Variants in SLC35D4 observed in about 807,000 individuals in gnomAD.
SLC35D4 encodes the protein UDP-N-acetylglucosamine transporter SLC35D4.
chr18:23,418,561 G>T, the SLC35D4 span, among the ~76,000 whole-genome samples: 6 of 151,596 alleles, frequency 4.0e-5, no homozygotes, highest in African/African-American at 1.4e-4. Context: ...TGTTGGCCAG[G>T]CTGGTCACCT....
At chr18:23,430,831 G>A in the SLC35D4 span, among the ~76,000 whole-genome samples, 1 of 151,970 alleles carries the variant, frequency 6.6e-6, no homozygotes, top group Non-Finnish European at 1.5e-5. Context: ...TCACAAACTG[G>A]GCAAACAAAT....
the SLC35D4 span, among the ~76,000 whole-genome samples, chr18:23,251,842 T>A: frequency 1.3e-5 from 2 of 151,972 alleles, no homozygotes; most frequent in African/African-American, 4.8e-5. Flanking sequence ...TCCCAGAACT[T>A]TGGGAGGCCG....
chr18:23,378,507 A>T, the SLC35D4 span, among the ~76,000 whole-genome samples: 3 of 152,238 alleles, frequency 2.0e-5, no homozygotes, highest in Non-Finnish European at 4.4e-5. Flanking sequence ...AGACTGGAGG[A>T]ATATAAACTT....
At chr18:23,342,049 C>T in the SLC35D4 span, among the ~76,000 whole-genome samples, 1 of 152,010 alleles carries the variant, frequency 6.6e-6, no homozygotes, top group Non-Finnish European at 1.5e-5. Flanking sequence ...ATGCTTTGAG[C>T]ACTATTACTT....
the SLC35D4 span, among the ~76,000 whole-genome samples, chr18:23,333,339 G>A: frequency 6.6e-6 from 1 of 152,156 alleles, no homozygotes; most frequent in South Asian, 2.1e-4. Flanking sequence ...CTGGTTAACT[G>A]TTGGGGATAA....
the SLC35D4 span, among the ~76,000 whole-genome samples, chr18:23,384,643 C>T: frequency 2.0e-5 from 3 of 152,226 alleles, no homozygotes; most frequent in Admixed American, 2.0e-4. Flanking sequence ...AGTGCCGCGG[C>T]ACCCTGTGTA....
the SLC35D4 span, among the ~76,000 whole-genome samples, chr18:23,347,724 C>T: frequency 2.0e-5 from 3 of 152,194 alleles, no homozygotes; most frequent in Non-Finnish European, 4.4e-5. Context: ...CATGCCTGGC[C>T]TCTTTTCTCT....
At chr18:23,339,209 C>T in the SLC35D4 span, among the ~76,000 whole-genome samples, 15 of 152,188 alleles carry the variant, frequency 9.9e-5, no homozygotes, top group Non-Finnish European at 2.1e-4. Flanking sequence ...TAAATTCTGA[C>T]TGTCCAAACA....
chr18:23,277,685 C>A, the SLC35D4 span, among the ~76,000 whole-genome samples: 1 of 152,198 alleles, frequency 6.6e-6, no homozygotes, highest in Admixed American at 6.5e-5. Flanking sequence ...TTAAACTCAA[C>A]TCTGGATACC....
At chr18:23,437,088 T>C in the SLC35D4 span, among the ~76,000 whole-genome samples, 2 of 152,140 alleles carry the variant, frequency 1.3e-5, no homozygotes, top group African/African-American at 2.4e-5. Context: ...CTCGGTCCTA[T>C]TGGATCCAAC....
At chr18:23,428,237 G>C in the SLC35D4 span, among the ~76,000 whole-genome samples, 1 of 151,772 alleles carries the variant, frequency 6.6e-6, no homozygotes, top group African/African-American at 2.4e-5. Context: ...AAATAAATGG[G>C]TAAAAGGCAC....
At chr18:23,420,809 TC>T in the SLC35D4 span, among the ~76,000 whole-genome samples, 1 of 152,236 alleles carries the variant, frequency 6.6e-6, no homozygotes, top group Non-Finnish European at 1.5e-5. Context: ...TTAACTTTTT[TC>T]CCCACACTAC....
At chr18:23,414,724 TC>T in the SLC35D4 span, among the ~76,000 whole-genome samples, 15 of 151,832 alleles carry the variant, frequency 9.9e-5, no homozygotes, top group African/African-American at 3.1e-4. Flanking sequence ...ACACCTGTAG[TC>T]CCAGCTACTT....
the SLC35D4 span, among the ~76,000 whole-genome samples, chr18:23,418,016 T>C: frequency 6.6e-6 from 1 of 152,192 alleles, no homozygotes; most frequent in Non-Finnish European, 1.5e-5. Flanking sequence ...GTATCCCTAT[T>C]TGTTTAAATG....
At chr18:23,334,366 T>C in the SLC35D4 span, among the ~76,000 whole-genome samples, 2 of 152,114 alleles carry the variant, frequency 1.3e-5, no homozygotes, top group Non-Finnish European at 2.9e-5. Context: ...AAGACTGACA[T>C]GGAAATGTGG....
the SLC35D4 span, among the ~76,000 whole-genome samples, chr18:23,384,003 G>T: frequency 3.2e-5 from 4 of 126,914 alleles, no homozygotes; most frequent in South Asian, 2.9e-4. Flanking sequence ...CCAAAAATTG[G>T]GGGGGGGGGG....
At chr18:23,291,880 C>T in the SLC35D4 span, among the ~76,000 whole-genome samples, 1 of 152,184 alleles carries the variant, frequency 6.6e-6, no homozygotes, top group Non-Finnish European at 1.5e-5. Flanking sequence ...CTGCTTCTCT[C>T]CGGGCTGGGC....
At chr18:23,350,256 T>G in the SLC35D4 span, among the ~76,000 whole-genome samples, 1 of 152,316 alleles carries the variant, frequency 6.6e-6, no homozygotes, top group East Asian at 1.9e-4. Context: ...ATTTTTTTCT[T>G]GTTTTTATTT....
the SLC35D4 span, chr18:23,253,204 C>T: frequency 2.8e-5 from 17 of 611,548 alleles, no homozygotes; most frequent in East Asian, 9.0e-5. Flanking sequence ...AAAGGACAGC[C>T]GGGCATGGTG....
Sources: allele counts gnomAD v4.1 joint callset (sites outside exome capture counted in the v4.1 genomes callset), GRCh38; gene constraint gnomAD v4.1.1; transcripts MANE v1.5; gene names NCBI Gene and HGNC (gene_info 2026-07-23, HGNC 2026-07-21).